The following PRKAR1A variants were observed in gnomAD, a reference collection of about 807,000 sequenced individuals.
The protein encoded by PRKAR1A is protein kinase cAMP-dependent type I regulatory subunit alpha, also known as cAMP-dependent protein kinase type I-alpha regulatory subunit.
PRKAR1A carries 3 observed loss-of-function variants against 52.0 expected under a neutral mutation model. The ratio of observed to expected loss-of-function variants is 0.06; its 90% CI spans 0.03 to 0.15. The LOEUF (loss-of-function observed/expected upper bound fraction) is 0.15. Ranked by LOEUF, PRKAR1A falls within the 10% of genes least tolerant of loss-of-function variation. The pLI is 1.00. For missense variants in PRKAR1A, 240 were observed against 477.4 expected, an observed-to-expected ratio of 0.50 and a Z score of 4.63; for synonymous variants, 188 against 168.4, an observed-to-expected ratio of 1.12 and a Z score of -0.90.
At chr17:68,437,547 G>C in the PRKAR1A span, among the ~76,000 whole-genome samples, 1 of 150,174 alleles carries the variant, frequency 6.7e-6, no homozygotes, top group Non-Finnish European at 1.5e-5. Context: ...GTGAGGTTCT[G>C]TCTTAAGAAA....
At chr17:68,417,032 G>C in the PRKAR1A span, among the ~76,000 whole-genome samples, 12 of 152,124 alleles carry the variant, frequency 7.9e-5, no homozygotes, top group Non-Finnish European at 1.5e-4. Context: ...ATTTTTTGGG[G>C]AGTGTCAAAG....
the PRKAR1A span, among the ~76,000 whole-genome samples, chr17:68,414,582 A>G: frequency 6.6e-6 from 1 of 152,256 alleles, no homozygotes; most frequent in Middle Eastern, 3.4e-3. Context: ...GTCATGTGGA[A>G]TAGTGTCAAA....
the PRKAR1A span, among the ~76,000 whole-genome samples, chr17:68,459,013 G>A: frequency 6.6e-6 from 1 of 152,086 alleles, no homozygotes; most frequent in African/African-American, 2.4e-5. Context: ...AACCTTTCTG[G>A]TTGGATTTCC....
chr17:68,519,225 T>C (rs796587576), intron 2 of PRKAR1A, among the ~76,000 whole-genome samples: 1 of 152,176 alleles, frequency 6.6e-6, no homozygotes, highest in Admixed American at 6.5e-5. Context: ...TTTTACTGTA[T>C]TAGTCTGTTC....
chr17:68,439,592 C>G, the PRKAR1A span, among the ~76,000 whole-genome samples: 3 of 152,162 alleles, frequency 2.0e-5, no homozygotes, highest in Non-Finnish European at 4.4e-5. Context: ...GCTATTGAAC[C>G]ATGCATTTTA....
chr17:68,414,590 A>G, the PRKAR1A span, among the ~76,000 whole-genome samples: 1 of 152,202 alleles, frequency 6.6e-6, no homozygotes, highest in Non-Finnish European at 1.5e-5. Context: ...GAATAGTGTC[A>G]AAAGGGTTGG....
downstream of PRKAR1A, chr17:68,536,430 A>C (rs1383680133): frequency 2.2e-6 from 1 of 454,168 alleles, no homozygotes; most frequent in Admixed American, 2.3e-5. Context: ...GATATCAACA[A>C]GTCAGGGAGA....
chr17:68,483,529 G>C, the PRKAR1A span, among the ~76,000 whole-genome samples: 1 of 151,978 alleles, frequency 6.6e-6, no homozygotes, highest in African/African-American at 2.4e-5. Context: ...TTGAGGAGGT[G>C]GTCCTTTTTC....
At position 68,546,074 on chromosome 17, in the gene PRKAR1A, C is replaced by G. The variant is rs368258852; in HGVS notation, c.974-5010C>G. Among the ~76,000 whole-genome samples, 8 of 146,958 alleles carry G rather than the reference C, an allele frequency of 5.4e-5. No individual in the cohort carries two copies. In the East Asian group the frequency reaches 1.6e-3, roughly 30 times the overall value. ...GTCCCAGCTACTTGGGAGGCTGAGG[C>G]AGGAGAATTGTTTGAACCCAGGAGG... On this transcript the variant is annotated intron_variant, in intron 11 of 11. Transcript: ENST00000585981.
At chr17:68,420,221 C>A in the PRKAR1A span, 3 of 1,614,040 alleles carry the variant, frequency 1.9e-6, no homozygotes, top group Non-Finnish European at 2.5e-6. Flanking sequence ...GAGCACGGGG[C>A]CTGAGCTGCA....
At position 68,532,621 on chromosome 17, in the gene PRKAR1A, A is replaced by G. The variant is rs748346714; in HGVS notation, c.*2172A>G. 1.6e-4 allele frequency: 174 copies of G among 1,066,168 alleles called. No individual in the cohort carries two copies. The highest frequency in any genetic ancestry group is 2.0e-4 in the Non-Finnish European group (173 of 879,614). 66.0% of individuals were successfully genotyped at this position (1,066,168 alleles called of 1,614,324 possible). On this transcript the variant is annotated 3_prime_UTR_variant, in exon 11 of 11. Coordinates refer to ENST00000589228, the MANE Select transcript of PRKAR1A (RefSeq NM_002734.5). ...GTGAATTTATGAGATTTACTGCTCTAGAAAGTATAGATGGCCAAAGGACCG... is the reference window on the plus strand; with the variant it reads ...GTGAATTTATGAGATTTACTGCTCTGGAAAGTATAGATGGCCAAAGGACCG...
the PRKAR1A span, among the ~76,000 whole-genome samples, chr17:68,445,032 T>C: frequency 2.6e-5 from 4 of 151,004 alleles, no homozygotes; most frequent in Middle Eastern, 3.2e-3. Context: ...ACAATTCTCC[T>C]GCATCAGCCT....
chr17:68,515,487 C>G lies in PRKAR1A; in HGVS notation c.88C>G (p.Leu30Val), dbSNP rs1202375076. Residue 30 changes from leucine to valine, a missense_variant, in exon 2 of 11, where the codon CTG (leucine) becomes GTG (valine). Coordinates refer to ENST00000589228, the MANE Select transcript of PRKAR1A (RefSeq NM_002734.5). Reference sequence around the variant, plus strand: ...CGTCCAGAAGCATAACATTCAAGCGCTGCTCAAAGATTCTATTGTGCAGTT... The same window carrying G: ...CGTCCAGAAGCATAACATTCAAGCGGTGCTCAAAGATTCTATTGTGCAGTT... ...LYVQKHNIQA[L>V]LKDSIVQLCT... 6.2e-7 allele frequency: 1 copy of G among 1,613,440 alleles called. No homozygotes were observed. The highest frequency in any genetic ancestry group is 1.3e-5 in the African/African-American group (1 of 74,886).
chr17:68,492,668 G>A, the PRKAR1A span, among the ~76,000 whole-genome samples: 4 of 152,222 alleles, frequency 2.6e-5, no homozygotes, highest in South Asian at 4.2e-4. Context: ...TGCTACTGGC[G>A]GTGAATCTGT....
chr17:68,546,496 C>T (rs2086572041), intron 11 of PRKAR1A, among the ~76,000 whole-genome samples: 1 of 152,066 alleles, frequency 6.6e-6, no homozygotes, highest in South Asian at 2.1e-4. Flanking sequence ...AGAGGAATCA[C>T]TAACTGTGGC....
chr17:68,540,877 G>A (rs748206961), intron 11 of PRKAR1A: 8 of 1,604,220 alleles, frequency 5.0e-6, no homozygotes, highest in South Asian at 3.4e-5. Context: ...TGGCCATGTC[G>A]ATGACATTGA....
chr17:68,475,102 A>C, the PRKAR1A span, among the ~76,000 whole-genome samples: 1 of 152,342 alleles, frequency 6.6e-6, no homozygotes, highest in South Asian at 2.1e-4. Context: ...TAACCCTCTC[A>C]ACAGATCTCT....
chr17:68,430,235 G>T, the PRKAR1A span: 1 of 1,463,354 alleles, frequency 6.8e-7, no homozygotes, highest in South Asian at 1.3e-5. Flanking sequence ...CCACACCCAA[G>T]CGTCATTAGC....
downstream of PRKAR1A, among the ~76,000 whole-genome samples, chr17:68,533,934 G>C (rs1476825989): frequency 2.0e-5 from 3 of 152,090 alleles, no homozygotes; most frequent in Non-Finnish European, 4.4e-5. Flanking sequence ...TTGCCATGTA[G>C]CCTAGGCTGG....
Sources: allele counts gnomAD v4.1 joint callset (sites outside exome capture counted in the v4.1 genomes callset), GRCh38; gene constraint gnomAD v4.1.1; transcripts MANE v1.5; gene names NCBI Gene and HGNC (gene_info 2026-07-23, HGNC 2026-07-21).